Variants in PDE4D observed in about 807,000 individuals in gnomAD.
PDE4D encodes the protein 3',5'-cyclic-AMP phosphodiesterase 4D.
In PDE4D, 24 loss-of-function variants were observed where a neutral mutation model predicts 87.4. The observed-to-expected ratio is 0.27, with a 90% CI of 0.20 to 0.39. The LOEUF is 0.39. Ranked by LOEUF, PDE4D falls within the 10% of genes least tolerant of loss-of-function variation. PDE4D has a pLI of 1.00. For missense variants in PDE4D, 714 were observed against 1,041.0 expected (o/e 0.69, Z 4.32); for synonymous variants, 384 against 383.2 (o/e 1.00, Z -0.02).
intron 1 of PDE4D, among the ~76,000 whole-genome samples, chr5:60,468,574 A>C (rs145081738): frequency 1.3e-5 from 2 of 152,154 alleles, no homozygotes; most frequent in African/African-American, 4.8e-5. Context: ...CCTTCATATG[A>C]AATGTCATAG....
chr5:60,243,905 G>A (rs1487589971), intron 1 of PDE4D, among the ~76,000 whole-genome samples: 1 of 151,870 alleles, frequency 6.6e-6, no homozygotes, highest in East Asian at 1.9e-4. Context: ...TGATAAGGAA[G>A]CCCATTTTTA....
intron 1 of PDE4D, among the ~76,000 whole-genome samples, chr5:59,362,549 T>C (rs939154028): frequency 1.3e-5 from 2 of 152,136 alleles, no homozygotes; most frequent in African/African-American, 4.8e-5. Flanking sequence ...AAAAATTAGG[T>C]GATAGAATTT....
At chr5:59,386,532 GGCCT>G (rs1787031659) in intron 1 of PDE4D, among the ~76,000 whole-genome samples, 1 of 134,526 alleles carries the variant, frequency 7.4e-6, no homozygotes, top group African/African-American at 2.6e-5. Flanking sequence ...ATATGACTTG[GGCCT>G]GGGCATGGTG....
intron 1 of PDE4D, among the ~76,000 whole-genome samples, chr5:59,432,565 A>T (rs1213682886): frequency 6.6e-6 from 1 of 151,906 alleles, no homozygotes; most frequent in Non-Finnish European, 1.5e-5. Context: ...GAAGATGTCA[A>T]CTCCTCCACA....
chr5:59,914,526 A>C (rs1343862885), intron 3 of PDE4D, among the ~76,000 whole-genome samples: 1 of 144,016 alleles, frequency 6.9e-6, no homozygotes, highest in Admixed American at 7.1e-5. Flanking sequence ...AGACAAAGCC[A>C]GGAAGATGTA....
At chr5:60,073,909 C>A (rs1415339753) in intron 2 of PDE4D, among the ~76,000 whole-genome samples, 1 of 150,278 alleles carries the variant, frequency 6.7e-6, no homozygotes, top group African/African-American at 2.4e-5. Flanking sequence ...TTATTTGGAT[C>A]TTCTCTCTTC....
chr5:59,770,621 G>T (rs969809237), intron 1 of PDE4D, among the ~76,000 whole-genome samples: 2 of 152,012 alleles, frequency 1.3e-5, no homozygotes, highest in African/African-American at 4.8e-5. Context: ...AAAATTAAAG[G>T]CTCAGCAGTC....
upstream of PDE4D, among the ~76,000 whole-genome samples, chr5:59,894,406 G>T (rs1751415659): frequency 6.6e-6 from 1 of 152,164 alleles, no homozygotes; most frequent in Non-Finnish European, 1.5e-5. Context: ...ATTGGATCTG[G>T]GTGAAGATCC....
In PDE4D at chr5:60,447,961, C is replaced by T. The variant is rs555329672; in HGVS notation, c.-90+39981G>A. Among the ~76,000 whole-genome samples, 3 of 152,212 alleles carry T rather than the reference C, an allele frequency of 2.0e-5. No homozygotes were observed. The East Asian group carries it at 5.8e-4, about 29-fold the overall frequency. ...TTACTTTGTTTATAGTATAGTCTAA[C>T]TCAATTATTTGGGTTGGGTTTTCTC... On this transcript the variant is annotated intron_variant, in intron 1 of 16. Transcript: ENST00000502484.
intron 1 of PDE4D, among the ~76,000 whole-genome samples, chr5:59,599,809 G>C (rs1226258904): frequency 6.6e-6 from 1 of 152,170 alleles, no homozygotes. Flanking sequence ...TATCCAGGCT[G>C]GCTAGCCGTT....
chr5:59,900,986 A>C (rs1294013829), intron 3 of PDE4D, among the ~76,000 whole-genome samples: 1 of 152,184 alleles, frequency 6.6e-6, no homozygotes, highest in Non-Finnish European at 1.5e-5. Flanking sequence ...CACTTAAGAA[A>C]ATGTAAATTT....
At chr5:59,317,176 G>A (rs556610037) in intron 1 of PDE4D, among the ~76,000 whole-genome samples, 5 of 152,268 alleles carry the variant, frequency 3.3e-5, no homozygotes, top group East Asian at 3.9e-4. Flanking sequence ...TTGCCTAGAC[G>A]TTGAGAGCAT....
chr5:60,235,596 A>G (rs1354990660), intron 1 of PDE4D, among the ~76,000 whole-genome samples: 3 of 151,800 alleles, frequency 2.0e-5, no homozygotes, highest in African/African-American at 7.2e-5. Context: ...GTGAGCATGC[A>G]AATGTCAAAA....
chr5:59,727,810 T>C (rs2150586940), intron 1 of PDE4D, among the ~76,000 whole-genome samples: 1 of 152,170 alleles, frequency 6.6e-6, no homozygotes, highest in Non-Finnish European at 1.5e-5. Flanking sequence ...TGAATTCTCT[T>C]TCTCTCAATG....
chr5:59,944,005 A>C (rs537497708), intron 3 of PDE4D, among the ~76,000 whole-genome samples: 57 of 152,344 alleles, frequency 3.7e-4, no homozygotes, highest in African/African-American at 1.3e-3. Flanking sequence ...TAAAATGCTG[A>C]CATATCTATG....
intron 1 of PDE4D, among the ~76,000 whole-genome samples, chr5:59,546,417 T>C (rs914868761): frequency 5.3e-5 from 8 of 152,168 alleles, no homozygotes; most frequent in African/African-American, 9.7e-5. Flanking sequence ...AGCATGTTAA[T>C]ATTATGTGCC....
chr5:59,274,744 T>C (rs577074648), intron 1 of PDE4D, among the ~76,000 whole-genome samples: 1 of 152,008 alleles, frequency 6.6e-6, no homozygotes, highest in Non-Finnish European at 1.5e-5. Context: ...ACATTGAAAC[T>C]GACATATTTT....
At chr5:59,245,943 AAGT>A (rs1402596968) in intron 1 of PDE4D, among the ~76,000 whole-genome samples, 3 of 151,768 alleles carry the variant, frequency 2.0e-5, no homozygotes, top group African/African-American at 7.3e-5. Context: ...GGAATAGAGG[AAGT>A]AGTCAAACAA....
At chr5:60,372,342 G>A (rs1761111569) in intron 1 of PDE4D, among the ~76,000 whole-genome samples, 1 of 152,120 alleles carries the variant, frequency 6.6e-6, no homozygotes, top group Non-Finnish European at 1.5e-5. Context: ...AAGAAGCAAG[G>A]GTCTGTACAT....
Sources: allele counts gnomAD v4.1 joint callset (sites outside exome capture counted in the v4.1 genomes callset), GRCh38; gene constraint gnomAD v4.1.1; transcripts MANE v1.5; gene names NCBI Gene and HGNC (gene_info 2026-07-23, HGNC 2026-07-21).